ZDHHC21: variants seen among roughly 807,000 people sequenced by gnomAD.
ZDHHC21 encodes zDHHC palmitoyltransferase 21.
Under a neutral mutation model 34.6 loss-of-function variants are expected in ZDHHC21, and 15 were observed. The observed-to-expected ratio is 0.43, with a 90% CI of 0.29 to 0.67. The LOEUF is 0.67. Among genes scored for constraint, ZDHHC21 ranks in the 30% least tolerant of loss-of-function variants. The pLI, the probability that ZDHHC21 is intolerant of heterozygous loss-of-function variation, is 0.14. For synonymous variants in ZDHHC21, 142 were observed against 101.8 expected (o/e 1.40, Z -2.38); for missense variants, 344 against 327.7 (o/e 1.05, Z -0.38).
At chr9:14,619,878 C>T (rs1053444309) in intron 8 of ZDHHC21, among the ~76,000 whole-genome samples, 196 bp from the exon 9 acceptor site, 1 of 86,016 alleles carries the variant, frequency 1.2e-5, no homozygotes, top group Non-Finnish European at 2.2e-5. Context: ...CAACATTATA[C>T]TATGCAAAAA....
chr9:14,672,802 C>A, intron 5 of ZDHHC21, 28 bp downstream of exon 5: 1 of 1,497,488 alleles, frequency 6.7e-7, no homozygotes, highest in Non-Finnish European at 9.2e-7. Context: ...CTGGCATCAG[C>A]AAAACTGATA....
chr9:14,599,382 G>A, the ZDHHC21 span, among the ~76,000 whole-genome samples: 1 of 152,168 alleles, frequency 6.6e-6, no homozygotes, highest in Non-Finnish European at 1.5e-5. Flanking sequence ...GAAGCTGTGA[G>A]GGACTGTGCC....
intron 1 of ZDHHC21, among the ~76,000 whole-genome samples, chr9:14,691,576 A>C (rs1839155721): frequency 6.6e-6 from 1 of 152,206 alleles, no homozygotes; most frequent in African/African-American, 2.4e-5. Flanking sequence ...CTGCATTTTT[A>C]AATGCTTAGA....
At chr9:14,641,641 C>A (rs1829399917) in intron 7 of ZDHHC21, among the ~76,000 whole-genome samples, 1 of 152,104 alleles carries the variant, frequency 6.6e-6, no homozygotes, top group African/African-American at 2.4e-5. Flanking sequence ...TGAGCCACAC[C>A]CACCCACAAC....
chr9:14,684,010 G>T (rs1275577189), intron 2 of ZDHHC21, among the ~76,000 whole-genome samples: 1 of 152,216 alleles, frequency 6.6e-6, no homozygotes, highest in East Asian at 1.9e-4. Flanking sequence ...AGCCCTTCAT[G>T]CTATAAACTC....
intron 7 of ZDHHC21, among the ~76,000 whole-genome samples, chr9:14,653,929 T>C (rs552663570): frequency 4.6e-5 from 7 of 152,120 alleles, no homozygotes; most frequent in Non-Finnish European, 1.0e-4. Context: ...TGTTTAAAGA[T>C]ACTGGCAAGT....
At chr9:14,626,594 T>A (rs374603889) in intron 8 of ZDHHC21, among the ~76,000 whole-genome samples, 1 of 151,970 alleles carries the variant, frequency 6.6e-6, no homozygotes, top group Non-Finnish European at 1.5e-5. Flanking sequence ...AACATGCATA[T>A]GCTAAAGAGT....
At chr9:14,688,343 G>A (rs1432450888) in intron 2 of ZDHHC21, among the ~76,000 whole-genome samples, 3 of 150,890 alleles carry the variant, frequency 2.0e-5, no homozygotes, top group Admixed American at 2.0e-4. Flanking sequence ...CAGAGGAAGG[G>A]AAAGTGAAAG....
rs1835733461 is a variant in ZDHHC21, at chr9:14,672,890, C to G, written c.193G>C (p.Val65Leu). Residue 65 changes from valine (V) to leucine (L), a missense_variant, in exon 5 of 10, where the codon GTG (valine) becomes CTG (leucine). Transcript: ENST00000380916. ...GISIFCLVAL[V>L]RASITDPGRL... ...CCTGGATCAGTTATGGAGGCCCTCA[C>G]TAAGGCAACCAGACAGAATATGGAA... is the stretch of plus-strand genomic sequence containing the variant. The G allele has an allele frequency of 2.5e-6, 4 of 1,607,328 alleles. No individual in the cohort carries two copies. The highest frequency in any genetic ancestry group is 3.4e-6 in the Non-Finnish European group (4 of 1,175,658).
At chr9:14,604,854 C>A in the ZDHHC21 span, among the ~76,000 whole-genome samples, 3 of 152,100 alleles carry the variant, frequency 2.0e-5, no homozygotes, top group African/African-American at 7.2e-5. Flanking sequence ...AAACTCTATA[C>A]CTTTTGAACA....
intron 5 of ZDHHC21, among the ~76,000 whole-genome samples, chr9:14,663,138 GA>G (rs1478393733): frequency 6.6e-6 from 1 of 152,050 alleles, no homozygotes; most frequent in African/African-American, 2.4e-5. Context: ...TTAGGTCCGC[GA>G]AAACTATGGA....
chr9:14,635,715 A>G (rs1252016943), intron 8 of ZDHHC21, among the ~76,000 whole-genome samples: 2 of 152,200 alleles, frequency 1.3e-5, no homozygotes, highest in African/African-American at 4.8e-5. Context: ...GATGATAGCT[A>G]CCATCATAAA....
intron 1 of ZDHHC21, among the ~76,000 whole-genome samples, chr9:14,691,316 C>T (rs919176308): frequency 6.6e-6 from 1 of 152,214 alleles, no homozygotes; most frequent in Non-Finnish European, 1.5e-5. Context: ...TGGATGGCAG[C>T]AGTTTGCACT....
chr9:14,634,097 C>T lies in ZDHHC21; in HGVS notation c.621+5799G>A, dbSNP rs567803630. Among the ~76,000 whole-genome samples the T allele has an allele frequency of 2.0e-5, 3 of 152,280 alleles. No homozygotes were observed. In the South Asian group the frequency reaches 6.2e-4, roughly 32 times the overall value. On this transcript the variant is annotated intron_variant, in intron 8 of 9. Coordinates refer to ENST00000380916, the MANE Select transcript of ZDHHC21 (RefSeq NM_178566.6). ...CCTGGGGACCATCTACAGCCCAGTC[C>T]ACCATTGCTGGCACCTGAACACTCC... is the stretch of plus-strand genomic sequence containing the variant.
chr9:14,667,320 T>A (rs1335114162), intron 5 of ZDHHC21, among the ~76,000 whole-genome samples: 1 of 150,000 alleles, frequency 6.7e-6, no homozygotes, highest in Non-Finnish European at 1.5e-5. Flanking sequence ...AATCTCTGAA[T>A]AGACGAATAA....
rs192989272 is a variant in ZDHHC21, at chr9:14,670,807, A to T, written c.253+2023T>A. Among the ~76,000 whole-genome samples, 279 of 152,190 alleles carry T rather than the reference A, an allele frequency of 1.8e-3. 5 individuals are homozygous for T. The Middle Eastern group carries it at 0.027, about 15-fold the overall frequency. ...AAATCACTATTGTCAAAAATCCAGC[A>T]ATTTAATTGATCATCTAGAAGGTGC... On this transcript the variant is annotated intron_variant, in intron 5 of 9. Transcript: ENST00000380916.
intron 7 of ZDHHC21, among the ~76,000 whole-genome samples, chr9:14,643,817 G>A (rs926495923): frequency 2.0e-5 from 3 of 152,134 alleles, no homozygotes; most frequent in Non-Finnish European, 4.4e-5. Flanking sequence ...CTGAGATCAA[G>A]TATCCATACA....
intron 2 of ZDHHC21, among the ~76,000 whole-genome samples, chr9:14,681,839 C>T (rs1022623079): frequency 1.2e-4 from 18 of 152,032 alleles, no homozygotes; most frequent in Non-Finnish European, 2.2e-4. Flanking sequence ...AACAGCAGAT[C>T]TCTTGGCAGA....
At chr9:14,690,419 G>C (rs1838995026) in intron 1 of ZDHHC21, 34 bp from the exon 2 acceptor site, 1 of 449,136 alleles carries the variant, frequency 2.2e-6, no homozygotes, top group East Asian at 7.0e-5. Context: ...AAAATCAGAA[G>C]CTTGGTTGAC....
Sources: gnomAD v4.1 joint callset for allele counts (sites outside exome capture counted in the v4.1 genomes callset) on GRCh38, gnomAD v4.1.1 for gene constraint, MANE v1.5 for transcripts, NCBI Gene and HGNC (gene_info 2026-07-23, HGNC 2026-07-21) for gene names.